Variants in GPRC5C observed in about 807,000 individuals in gnomAD.
The protein encoded by GPRC5C is G protein-coupled receptor family C group 5 member C.
Under a neutral mutation model 31.4 loss-of-function variants are expected in GPRC5C, and 22 were observed. The observed-to-expected ratio is 0.70, with a 90% CI of 0.50 to 1.00. GPRC5C has a LOEUF of 1.00. Among genes scored for constraint, GPRC5C ranks in the 50% least tolerant of loss-of-function variants. The pLI, the probability that GPRC5C is intolerant of heterozygous loss-of-function variation, is 0.00. For missense variants in GPRC5C, 557 were observed against 597.2 expected (o/e 0.93, Z 0.70); for synonymous variants, 249 against 257.5 (o/e 0.97, Z 0.32).
At chr17:74,435,906 A>G (rs2055425542) in intron 1 of GPRC5C, among the ~76,000 whole-genome samples, 1 of 152,218 alleles carries the variant, frequency 6.6e-6, no homozygotes, top group Non-Finnish European at 1.5e-5. Context: ...CCGCCATCCA[A>G]CCAGTCCTTC....
downstream of GPRC5C, chr17:74,449,545 C>T (rs1307652260): frequency 3.1e-6 from 1 of 322,366 alleles, no homozygotes; most frequent in Non-Finnish European, 6.2e-6. Flanking sequence ...ACTGGAGCGC[C>T]TAGGGCCACC....
chr17:74,448,907 C>T (rs963057801), downstream of GPRC5C: 2 of 1,289,290 alleles, frequency 1.6e-6, no homozygotes, highest in Non-Finnish European at 1.0e-6. Context: ...TCTCCGTGGC[C>T]CACCCTGGGT....
At chr17:74,442,736 C>T (rs1348755863) in intron 2 of GPRC5C, among the ~76,000 whole-genome samples, 2 of 152,244 alleles carry the variant, frequency 1.3e-5, no homozygotes, top group Non-Finnish European at 2.9e-5. Flanking sequence ...AGAGATGACC[C>T]TTGTCCTGCC....
intron 2 of GPRC5C, among the ~76,000 whole-genome samples, chr17:74,442,233 C>T (rs1301979489): frequency 6.6e-6 from 1 of 152,204 alleles, no homozygotes; most frequent in African/African-American, 2.4e-5. Flanking sequence ...GAACTGCTAA[C>T]CTCAAGTGAT....
Position 74,447,252 on chromosome 17 carries a change from A to T in GPRC5C, c.*224A>T, listed in dbSNP as rs2144453301. The T allele has an allele frequency of 4.6e-6, 6 of 1,303,236 alleles. No individual in the cohort carries two copies. The South Asian group carries it at 1.3e-4, about 29-fold the overall frequency. The allele number at this position is 1,303,236 out of a possible 1,614,324, so 80.7% of individuals were successfully genotyped here. On this transcript the variant is annotated 3_prime_UTR_variant, in exon 4 of 4. Transcript: ENST00000392627. ...GAGGAGCCAACCCCAGCCTCCTGCCAGGATCACCTCGGCGGTCACACTCCA... is the reference window on the plus strand; with the variant it reads ...GAGGAGCCAACCCCAGCCTCCTGCCTGGATCACCTCGGCGGTCACACTCCA...
chr17:74,432,299 C>T, intron 1 of GPRC5C, 158 bp downstream of exon 1: 3 of 1,465,206 alleles, frequency 2.0e-6, no homozygotes, highest in Non-Finnish European at 2.7e-6. Flanking sequence ...GGAGCCCTGC[C>T]TGGGGACAGG....
downstream of GPRC5C, chr17:74,449,299 G>C (rs1216327560): frequency 8.0e-6 from 10 of 1,253,666 alleles, no homozygotes; most frequent in Admixed American, 4.6e-5. Flanking sequence ...ACGCAGTAGA[G>C]TCCCCTTTGA....
chr17:74,438,418 G>A (rs111284468), intron 1 of GPRC5C, among the ~76,000 whole-genome samples: 3,438 of 151,414 alleles, frequency 0.023, 58 homozygotes, highest in Non-Finnish European at 0.035. Flanking sequence ...GCACCTCCAC[G>A]CCCGGCTAAT....
downstream of GPRC5C, among the ~76,000 whole-genome samples, chr17:74,448,115 C>T (rs769912555): frequency 9.2e-5 from 14 of 151,998 alleles, no homozygotes; most frequent in Admixed American, 2.0e-4. Flanking sequence ...TCCAGACTAG[C>T]CTGGGTAACA....
chr17:74,447,897 G>A (rs1354656484), downstream of GPRC5C, among the ~76,000 whole-genome samples: 1 of 152,242 alleles, frequency 6.6e-6, no homozygotes, highest in Non-Finnish European at 1.5e-5. Context: ...AGATCACACC[G>A]TGTGATACGT....
intron 1 of GPRC5C, among the ~76,000 whole-genome samples, chr17:74,435,706 G>A (rs146292248): frequency 1.3e-5 from 2 of 152,364 alleles, no homozygotes; most frequent in African/African-American, 4.8e-5. Flanking sequence ...ACAGAGAGCT[G>A]TGAAGCTTTC....
At chr17:74,444,633 CG>C (rs773055862) in intron 3 of GPRC5C, among the ~76,000 whole-genome samples, 10 of 152,156 alleles carry the variant, frequency 6.6e-5, no homozygotes, top group Admixed American at 2.0e-4. Flanking sequence ...GTGAGAGCCG[CG>C]GGGCAGGGGG....
Position 74,440,440 on chromosome 17 carries a change from G to C in GPRC5C, c.664G>C (p.Gly222Arg), listed in dbSNP as rs2055514128. 1.2e-6 allele frequency: 2 copies of C among 1,613,758 alleles called. No individual in the cohort carries two copies. The highest frequency in any genetic ancestry group is 1.7e-6 in the Non-Finnish European group (2 of 1,179,844). Residue 222 changes from glycine to arginine, a missense_variant, in exon 2 of 4, where the codon GGT (glycine) becomes CGT (arginine). By Grantham distance (125) the Gly-to-Arg change is moderately radical (BLOSUM62 -2). Transcript: ENST00000392627. This position sits in a 1 kb window ranked among gnomAD's most constrained non-coding sequence, Gnocchi z 4.4. The part of the protein sequence containing the change: ...ALIYVMLLLL[G>R]AFLGAWPALC... ...CATCTACGTCATGCTGCTGCTGCTG[G>C]GTGCCTTCCTGGGGGCCTGGCCCGC...
intron 1 of GPRC5C, among the ~76,000 whole-genome samples, chr17:74,436,152 A>G (rs1283713734): frequency 3.9e-5 from 6 of 152,178 alleles, no homozygotes; most frequent in African/African-American, 9.7e-5. Context: ...AGCATTTCCA[A>G]TGTGTCAGCC....
chr17:74,434,521 T>C (rs2055402963), intron 1 of GPRC5C, among the ~76,000 whole-genome samples: 1 of 152,164 alleles, frequency 6.6e-6, no homozygotes, highest in South Asian at 2.1e-4. Context: ...TCAGTCTTAG[T>C]GCAGGGTCTG....
At chr17:74,438,187 A>T (rs1177163256) in intron 1 of GPRC5C, among the ~76,000 whole-genome samples, 3 of 128,316 alleles carry the variant, frequency 2.3e-5, no homozygotes, top group Non-Finnish European at 4.8e-5. Flanking sequence ...GGTGCATGCC[A>T]CCACACTCTC....
chr17:74,449,429 C>T (rs935778946), downstream of GPRC5C: 4 of 1,026,716 alleles, frequency 3.9e-6, no homozygotes, highest in African/African-American at 1.7e-5. Context: ...CAGGCTGGAC[C>T]GGGCCCAGCA....
In GPRC5C at chr17:74,446,977, G is replaced by A. The variant is rs766416644; in HGVS notation, c.1275G>A (p.Pro425=). The change falls in exon 4 of 4, where the codon CCG becomes CCA. Residue 425 remains proline, a synonymous_variant. Transcript: ENST00000392627. Reference sequence around the variant, plus strand: ...AGAGCCACCAGGCGGCCACACCGCCGAAAGACGGCAAGAACTCTCAGGTCT... The same window carrying A: ...AGAGCCACCAGGCGGCCACACCGCCAAAAGACGGCAAGAACTCTCAGGTCT... ...SAQSHQAATP[P]KDGKNSQVFR... The A allele has an allele frequency of 2.2e-5, 35 of 1,614,092 alleles. No homozygotes were observed. Among genetic ancestry groups the A allele is most frequent in the Admixed American group, 3.3e-5 (2 of 60,016 alleles).
chr17:74,445,833 C>G (rs2055618094), intron 3 of GPRC5C: 1 of 152,150 alleles, frequency 6.6e-6, no homozygotes, highest in Non-Finnish European at 1.5e-5. Context: ...GGGAGCAAGA[C>G]CCAGCGCCAG....
Sources: allele counts gnomAD v4.1 joint callset (sites outside exome capture counted in the v4.1 genomes callset), GRCh38; gene constraint gnomAD v4.1.1; non-coding constraint Gnocchi (gnomAD v3.1); transcripts MANE v1.5; gene names NCBI Gene and HGNC (gene_info 2026-07-23, HGNC 2026-07-21).